FLT4: variants seen among roughly 807,000 people sequenced by gnomAD.
FLT4 encodes fms related receptor tyrosine kinase 4, also known as vascular endothelial growth factor receptor 3.
Under a neutral mutation model 163.2 loss-of-function variants are expected in FLT4, and 30 were observed. The observed-to-expected ratio is 0.18, with a 90% CI of 0.14 to 0.25. The LOEUF (loss-of-function observed/expected upper bound fraction) is 0.25, where lower values mean the gene tolerates loss of function less well. FLT4 is among the 10% of genes least tolerant of loss of function. The pLI is 1.00. For synonymous variants in FLT4, 884 were observed against 789.5 expected (o/e 1.12, Z -2.01); for missense variants, 1,510 against 1,863.8 (o/e 0.81, Z 3.50).
At chr5:180,622,260 CCATCTCTCTGCTGGTGCCCTGATCTA>C (rs66496613) in intron 12 of FLT4, among the ~76,000 whole-genome samples, 13,716 of 151,176 alleles carry the variant, frequency 0.091, 625 homozygotes, top group South Asian at 0.15. Flanking sequence ...CTTTTGGGCT[CCATCTCTCTGCTGGTGCCCTGATCTA>C]CATCTCTCTG....
At position 180,621,581 on chromosome 5, in the gene FLT4, G is replaced by A. The variant is rs760493135; in HGVS notation, c.1981C>T (p.His661Tyr). Residue 661 changes from histidine (H) to tyrosine (Y), a missense_variant, in exon 13 of 30, where the codon CAT becomes TAT. His to Tyr is a moderately conservative substitution (Grantham distance 83). Around this residue, in one of 5 missense-constraint regions of FLT4, gnomAD observed 878 missense variants for 1,016.7 expected, o/e 0.86. Coordinates refer to ENST00000261937, the MANE Select transcript of FLT4 (RefSeq NM_182925.5). ...TACTTCTTGTGGCAGTGCTTGTCAT[G>A]GCTGCGCCGGTCTTGCACTTCGCAC... Reference protein sequence around the residue: ...YVCEVQDRRSHDKHCHKKYLS... With the variant: ...YVCEVQDRRSYDKHCHKKYLS... The A allele has an allele frequency of 1.9e-6, 3 of 1,611,774 alleles. No individual in the cohort carries two copies. The highest frequency in any genetic ancestry group is 2.5e-6 in the Non-Finnish European group (3 of 1,179,388).
At chr5:180,628,236 T>C (rs926432887) in intron 8 of FLT4, among the ~76,000 whole-genome samples, 7 of 152,182 alleles carry the variant, frequency 4.6e-5, no homozygotes, top group African/African-American at 1.7e-4. Flanking sequence ...TGTGGATGAC[T>C]CAGACGGCCT....
At chr5:180,627,015 T>C (rs1387930274) in intron 8 of FLT4, among the ~76,000 whole-genome samples, 1 of 152,218 alleles carries the variant, frequency 6.6e-6, no homozygotes, top group Non-Finnish European at 1.5e-5. Flanking sequence ...ACGAGGGCAG[T>C]GCTGCCTCCT....
chr5:180,603,836 G>A (rs1295593721), intron 29 of FLT4, among the ~76,000 whole-genome samples: 2 of 151,778 alleles, frequency 1.3e-5, no homozygotes, highest in Non-Finnish European at 2.9e-5. Flanking sequence ...CCCGGGAGGC[G>A]GAGCTTGCAG....
In FLT4 at chr5:180,623,156, G is replaced by A. The variant is rs1327759081; in HGVS notation, c.1549-317C>T. Among the ~76,000 whole-genome samples, 1 of 152,198 alleles carries A rather than the reference G, an allele frequency of 6.6e-6. No individual in the cohort carries two copies. Among genetic ancestry groups the A allele is most frequent in the Non-Finnish European group, 1.5e-5 (1 of 68,032 alleles). On this transcript the variant is annotated intron_variant, in intron 11 of 29. Transcript: ENST00000261937. This position sits in a 1 kb window ranked among gnomAD's most constrained non-coding sequence, Gnocchi z 5.8. ...CTCTGGCCGTGGCTATGTTGAGGGG[G>A]CACCAGCGTCAGTGCAAGCCAGGGT...
In FLT4 at chr5:180,609,026, G is replaced by A; in HGVS notation, c.3835C>T (p.Leu1279=). 1 of 1,614,172 alleles carries A rather than the reference G, an allele frequency of 6.2e-7. No homozygotes were observed. Among genetic ancestry groups the A allele is most frequent in the Non-Finnish European group, 8.5e-7 (1 of 1,180,006 alleles). Residue 1279 remains leucine (L), a synonymous_variant, in exon 29 of 30, where the codon CTG becomes TTG. Transcript: ENST00000261937. ...VDNQTDSGMV[L]ASEEFEQIES... ...ATCTGCTCAAACTCCTCCGAGGCCAGCACCATCCCACTGTCTGTCTGGTTG... is the reference window on the plus strand; with the variant it reads ...ATCTGCTCAAACTCCTCCGAGGCCAACACCATCCCACTGTCTGTCTGGTTG...
chr5:180,650,265 C>A (rs1765672750), upstream of FLT4, among the ~76,000 whole-genome samples: 1 of 151,932 alleles, frequency 6.6e-6, no homozygotes, highest in South Asian at 2.1e-4. Context: ...CACCCGTGAG[C>A]GGGACACCCG....
intron 1 of FLT4, among the ~76,000 whole-genome samples, chr5:180,644,246 T>C (rs183454015): frequency 1.3e-4 from 20 of 152,226 alleles, no homozygotes; most frequent in Admixed American, 9.2e-4. Flanking sequence ...AAAGAAGCCA[T>C]AGTATGTGTG....
chr5:180,619,287 C>G lies in FLT4; in HGVS notation c.2727G>C (p.Val909=). 6.2e-7 allele frequency: 1 copy of G among 1,610,994 alleles called. No homozygotes were observed. The highest frequency in any genetic ancestry group is 8.5e-7 in the Non-Finnish European group (1 of 1,179,372). ...TGGTGCACGCCCCGAGGAGGTTGACCACGTTGAGGTGGTTGCCGATGTGAA... is the reference window on the plus strand; with the variant it reads ...TGGTGCACGCCCCGAGGAGGTTGACGACGTTGAGGTGGTTGCCGATGTGAA... ...ILIHIGNHLN[V]VNLLGACTKP... Residue 909 remains valine (V), a synonymous_variant, in exon 19 of 30, where the codon GTG becomes GTC. Transcript: ENST00000261937.
chr5:180,644,975 A>G (rs916842332), intron 1 of FLT4, among the ~76,000 whole-genome samples: 1 of 152,170 alleles, frequency 6.6e-6, no homozygotes, highest in African/African-American at 2.4e-5. Flanking sequence ...CAGTCTCCCA[A>G]AGGGCACGTC....
Position 180,623,267 on chromosome 5 carries a change from T to A in FLT4, c.1549-428A>T, listed in dbSNP as rs1291646232. ...CAGTCGCTGCTTGCTGAGATCCTCG[T>A]GAGATGGCCTCCTCAGCCCAGAACT... On this transcript the variant is annotated intron_variant, in intron 11 of 29. Coordinates refer to ENST00000261937, the MANE Select transcript of FLT4 (RefSeq NM_182925.5). The surrounding 1 kb of genome is among the most constrained non-coding windows in gnomAD (Gnocchi z 5.8). Among the ~76,000 whole-genome samples, 1 of 152,024 alleles carries A rather than the reference T, an allele frequency of 6.6e-6. No individual in the cohort carries two copies. The highest frequency in any genetic ancestry group is 6.5e-5 in the Admixed American group (1 of 15,288).
At chr5:180,628,513 C>A (rs1763823956) in intron 8 of FLT4, among the ~76,000 whole-genome samples, 1 of 152,220 alleles carries the variant, frequency 6.6e-6, no homozygotes, top group Admixed American at 6.5e-5. Flanking sequence ...GGCAGCCTCG[C>A]AAAAGGAGGC....
Position 180,626,162 on chromosome 5 carries a change from T to A in FLT4, c.1207A>T (p.Asn403Tyr). The A allele has an allele frequency of 6.2e-7, 1 of 1,612,786 alleles. No individual in the cohort carries two copies. The highest frequency in any genetic ancestry group is 8.5e-7 in the Non-Finnish European group (1 of 1,179,986). ...STGTYTLALWNSAAGLRRNIS... is the reference protein window; with the variant it reads ...STGTYTLALWYSAAGLRRNIS... ...TTGCGCCTCAGGCCAGCAGCGGAGT[T>A]CCACAGGGCGAGGGTGTAGGTGCCT... The change falls in exon 9 of 30, where the codon AAC (asparagine) becomes TAC (tyrosine). Residue 403 changes from asparagine (N) to tyrosine (Y), a missense_variant. By Grantham distance (143) the Asn-to-Tyr change is moderately radical. Transcript: ENST00000261937.
chr5:180,635,873 G>A (rs903751701), intron 1 of FLT4, among the ~76,000 whole-genome samples: 2,036 of 56,176 alleles, frequency 0.036, no homozygotes, highest in East Asian at 0.061. Context: ...GGATGGGTGG[G>A]TGGATGGATG....
In FLT4 at chr5:180,630,573, A is replaced by G. The variant is rs866678855; in HGVS notation, c.382T>C (p.Ser128Pro). Residue 128 changes from serine to proline, a missense_variant, in exon 3 of 30, where the codon TCC (serine) becomes CCC (proline). Coordinates refer to ENST00000261937, the MANE Select transcript of FLT4 (RefSeq NM_182925.5). This position sits in a 1 kb window ranked among gnomAD's most constrained non-coding sequence, Gnocchi z 6.3. The stretch of plus-strand genomic sequence containing the variant: ...GTCTCACCTCTCACGAACACGTAGG[A>G]GCTGGCGGCCGTGGTGCCCTCGATG... ...ARIEGTTAAS[S>P]YVFVRDFEQP... 6.2e-7 allele frequency: 1 copy of G among 1,612,914 alleles called. No individual in the cohort carries two copies. The highest frequency in any genetic ancestry group is 8.5e-7 in the Non-Finnish European group (1 of 1,179,938).
At chr5:180,610,058 G>A (rs572585085) in intron 27 of FLT4, 33 bp from the exon 28 acceptor site, 7 of 1,613,492 alleles carry the variant, frequency 4.3e-6, no homozygotes, top group South Asian at 3.3e-5. Context: ...GCTGAGGAAC[G>A]CGCTGCAGCA....
chr5:180,629,663 G>A, intron 6 of FLT4, 33 bp downstream of exon 6: 1 of 1,605,460 alleles, frequency 6.2e-7, no homozygotes, highest in Non-Finnish European at 8.5e-7. Flanking sequence ...GACTCCTGGG[G>A]ACAGGACAGC....
chr5:180,613,132 G>A (rs1411595264), intron 24 of FLT4, 22 bp from the exon 25 acceptor site: 20 of 1,575,400 alleles, frequency 1.3e-5, no homozygotes, highest in Non-Finnish European at 1.7e-5. Flanking sequence ...AAGGGGAGGT[G>A]GGTGGGGAGC....
chr5:180,633,378 C>G (rs1764321983), intron 1 of FLT4, among the ~76,000 whole-genome samples: 1 of 152,198 alleles, frequency 6.6e-6, no homozygotes, highest in Non-Finnish European at 1.5e-5. Context: ...CCTCGCCTGT[C>G]TGCTGCTGTG....
Sources: allele counts gnomAD v4.1 joint callset (sites outside exome capture counted in the v4.1 genomes callset), GRCh38; gene constraint gnomAD v4.1.1; regional missense constraint gnomAD v4.1.1; non-coding constraint Gnocchi (gnomAD v3.1); transcripts MANE v1.5; gene names NCBI Gene and HGNC (gene_info 2026-07-23, HGNC 2026-07-21).